SEMA5A: variants seen among roughly 807,000 people sequenced by gnomAD.
SEMA5A encodes semaphorin 5A.
SEMA5A carries 55 observed loss-of-function variants against 135.5 expected under a neutral mutation model. The observed-to-expected ratio is 0.41, with a 90% CI of 0.33 to 0.51. The LOEUF (loss-of-function observed/expected upper bound fraction) is 0.51. SEMA5A is among the 20% of genes least tolerant of loss of function. SEMA5A has a pLI of 0.37. For missense variants in SEMA5A, 1,290 were observed against 1,419.9 expected (o/e 0.91, Z 1.47); for synonymous variants, 580 against 546.5 (o/e 1.06, Z -0.85).
chr5:9,136,776 T>C (rs558683068), intron 12 of SEMA5A, among the ~76,000 whole-genome samples, 155 bp from the exon 13 acceptor site: 79 of 152,334 alleles, frequency 5.2e-4, no homozygotes, highest in African/African-American at 1.8e-3. Context: ...AGCACAGCTA[T>C]CTGCACACTC....
intron 5 of SEMA5A, among the ~76,000 whole-genome samples, chr5:9,282,356 C>A (rs1561104461): frequency 6.6e-6 from 1 of 152,112 alleles, no homozygotes; most frequent in Non-Finnish European, 1.5e-5. Flanking sequence ...AGCGGTGAGT[C>A]CTGTGAACAT....
intron 3 of SEMA5A, among the ~76,000 whole-genome samples, chr5:9,366,044 C>G (rs189607768): frequency 6.6e-6 from 1 of 152,172 alleles, no homozygotes; most frequent in Non-Finnish European, 1.5e-5. Flanking sequence ...CTATCTATTA[C>G]CTGAAGTCAA....
At chr5:9,322,991 C>T (rs2150680223) in intron 4 of SEMA5A, among the ~76,000 whole-genome samples, 1 of 152,302 alleles carries the variant, frequency 6.6e-6, no homozygotes, top group Admixed American at 6.5e-5. Context: ...CAATTTTCAC[C>T]TCTGGGACTG....
intron 2 of SEMA5A, among the ~76,000 whole-genome samples, chr5:9,419,573 C>T (rs903072532): frequency 6.6e-6 from 1 of 152,138 alleles, no homozygotes; most frequent in Non-Finnish European, 1.5e-5. Flanking sequence ...TAAACATGCA[C>T]ACATCTGGTC....
intron 15 of SEMA5A, 62 bp downstream of exon 15, chr5:9,118,936 G>C: frequency 6.3e-7 from 1 of 1,577,852 alleles, no homozygotes. Context: ...CGGGGAACTC[G>C]ACCTGGCCGG....
At chr5:9,053,756 A>G (rs964241171) in intron 19 of SEMA5A, 3 of 193,938 alleles carry the variant, frequency 1.5e-5, no homozygotes, top group African/African-American at 4.6e-5. Flanking sequence ...GTTAATTAGC[A>G]AAGTCAAGAA....
At chr5:9,127,721 A>C (rs1741192971) in intron 13 of SEMA5A, among the ~76,000 whole-genome samples, 1 of 152,168 alleles carries the variant, frequency 6.6e-6, no homozygotes, top group Non-Finnish European at 1.5e-5. Flanking sequence ...ACATGGCAGA[A>C]TTGGGACAAA....
intron 3 of SEMA5A, among the ~76,000 whole-genome samples, chr5:9,349,504 A>G (rs191339259): frequency 5.3e-4 from 80 of 152,338 alleles, no homozygotes; most frequent in Non-Finnish European, 7.9e-4. Flanking sequence ...GATCCCAGGG[A>G]AAAGCATAAA....
chr5:9,324,298 G>T (rs181052687), intron 4 of SEMA5A, among the ~76,000 whole-genome samples: 6 of 151,026 alleles, frequency 4.0e-5, no homozygotes, highest in Admixed American at 1.3e-4. Context: ...TCTATCTCCT[G>T]ACCTCATGAT....
chr5:9,119,660 TAA>T (rs1740704661), intron 14 of SEMA5A, among the ~76,000 whole-genome samples: 1 of 152,204 alleles, frequency 6.6e-6, no homozygotes, highest in Non-Finnish European at 1.5e-5. Flanking sequence ...ATCAAATTGA[TAA>T]AGAGTGTTGT....
Position 9,119,014 on chromosome 5 carries a change from G to A in SEMA5A, c.1909C>T (p.Gln637Ter), listed in dbSNP as rs1740667351. Reference sequence around the variant, plus strand: ...GGCACGTACCTTTCCTCGCGGTTCTGTCCCACGCACACCCGGCCCCCGTGC... The same window carrying A: ...GGCACGTACCTTTCCTCGCGGTTCTATCCCACGCACACCCGGCCCCCGTGC... ...PRHGGRVCVG[Q>*]NREERYCNEH... The change falls in exon 15 of 23, where the codon CAG becomes TAG. Residue 637 changes from glutamine to a stop codon, truncating the protein, a stop_gained. Transcript: ENST00000382496. LOFTEE classifies it high-confidence loss of function. The A allele has an allele frequency of 6.2e-7, 1 of 1,613,342 alleles. No homozygotes were observed. Among genetic ancestry groups the A allele is most frequent in the Admixed American group, 1.7e-5 (1 of 59,974 alleles).
intron 6 of SEMA5A, among the ~76,000 whole-genome samples, chr5:9,230,123 T>G (rs941580520): frequency 5.3e-5 from 8 of 151,632 alleles, no homozygotes; most frequent in Non-Finnish European, 7.4e-5. Context: ...TAGCTCGGAT[T>G]ACACGTGTAT....
chr5:9,159,908 T>C (rs899929146), intron 11 of SEMA5A, among the ~76,000 whole-genome samples: 4 of 152,108 alleles, frequency 2.6e-5, no homozygotes, highest in African/African-American at 4.8e-5. Context: ...TTCAGGGACA[T>C]AGATGAAGCT....
intron 1 of SEMA5A, among the ~76,000 whole-genome samples, chr5:9,503,131 G>C (rs1205516062): frequency 6.6e-6 from 1 of 152,054 alleles, no homozygotes; most frequent in Non-Finnish European, 1.5e-5. Context: ...AAAAGAGAGA[G>C]AGAGAGAGAG....
intron 4 of SEMA5A, among the ~76,000 whole-genome samples, chr5:9,323,546 A>G (rs1420021250): frequency 2.0e-5 from 3 of 151,710 alleles, no homozygotes; most frequent in South Asian, 2.1e-4. Flanking sequence ...ATCAACATCT[A>G]TTTAATGTGT....
Position 9,454,996 on chromosome 5 carries a change from C to CA in SEMA5A, c.-174-17145dup, listed in dbSNP as rs1163279041. On this transcript the variant is annotated intron_variant, in intron 1 of 22. Coordinates refer to ENST00000382496, the MANE Select transcript of SEMA5A (RefSeq NM_003966.3). ...AGAAGACTAATTTCTATCATGATCA[C>CA]AAAAAATCTAAGTTGGTAGTCTCCA... Among the ~76,000 whole-genome samples, 7 of 152,196 alleles carry CA rather than the reference C, an allele frequency of 4.6e-5. 2 individuals carry two copies. The highest frequency in any genetic ancestry group is 4.6e-4 in the Admixed American group (7 of 15,300).
chr5:9,455,546 G>A (rs1010667086), intron 1 of SEMA5A, among the ~76,000 whole-genome samples: 20 of 152,224 alleles, frequency 1.3e-4, no homozygotes, highest in Middle Eastern at 3.4e-3. Context: ...ATGAGCCACC[G>A]CGCCCAGCCG....
rs76543142 is a variant in SEMA5A at position 9,454,619 on chromosome 5, C to A, written c.-174-16767G>T. On this transcript the variant is annotated intron_variant, in intron 1 of 22. Coordinates refer to ENST00000382496, the MANE Select transcript of SEMA5A (RefSeq NM_003966.3). ...GTACACTGAGATCTTAACGTAAAAA[C>A]AAAACAAAACAAAAAAGCAAAGTGA... Among the ~76,000 whole-genome samples the A allele has an allele frequency of 3.1e-3, 470 of 152,146 alleles. 9 individuals are homozygous for A. In the East Asian group the frequency reaches 0.042, roughly 14 times the overall value.
chr5:9,375,876 C>T (rs1755343698), intron 3 of SEMA5A, among the ~76,000 whole-genome samples: 1 of 151,948 alleles, frequency 6.6e-6, no homozygotes, highest in Non-Finnish European at 1.5e-5. Context: ...ATAATTCCAT[C>T]TGGTGGCTCA....
Sources: allele counts gnomAD v4.1 joint callset (sites outside exome capture counted in the v4.1 genomes callset), GRCh38; gene constraint gnomAD v4.1.1; transcripts MANE v1.5; gene names NCBI Gene and HGNC (gene_info 2026-07-23, HGNC 2026-07-21).